The following PDE6D variants were observed in gnomAD, a reference collection of about 807,000 sequenced individuals.
The protein encoded by PDE6D is phosphodiesterase 6D.
PDE6D carries 10 observed loss-of-function variants against 21.9 expected under a neutral mutation model. The ratio of observed to expected loss-of-function variants is 0.46; its 90% confidence interval spans 0.28 to 0.78. The LOEUF is 0.78. Among genes scored for constraint, PDE6D ranks in the 30% least tolerant of loss-of-function variants. The pLI is 0.12. For synonymous variants in PDE6D, 59 were observed against 63.5 expected (o/e 0.93, Z 0.34); for missense variants, 139 against 184.8 (o/e 0.75, Z 1.44).
At chr2:231,768,517 T>G (rs2048990447) in intron 1 of PDE6D, 1 of 152,076 alleles carries the variant, frequency 6.6e-6, no homozygotes, top group Non-Finnish European at 1.5e-5. Flanking sequence ...CCTCTTGAGT[T>G]GCTGGGATTA....
chr2:231,734,666 C>T (rs1210775183), intron 4 of PDE6D, among the ~76,000 whole-genome samples: 1 of 148,612 alleles, frequency 6.7e-6, no homozygotes, highest in Non-Finnish European at 1.5e-5. Flanking sequence ...ATGGTGAAAC[C>T]CCGTCTGTAC....
chr2:231,776,118 C>T (rs199584296), intron 1 of PDE6D, among the ~76,000 whole-genome samples: 2 of 151,748 alleles, frequency 1.3e-5, no homozygotes, highest in South Asian at 4.2e-4. Flanking sequence ...GTCAGGAGTT[C>T]GAGACCAGCC....
intron 1 of PDE6D, among the ~76,000 whole-genome samples, chr2:231,777,104 T>G (rs2049063615): frequency 6.6e-6 from 1 of 152,202 alleles, no homozygotes; most frequent in African/African-American, 2.4e-5. Flanking sequence ...CTGAGTACTA[T>G]CAACACTGTT....
chr2:231,743,338 C>A (rs1410053539), intron 1 of PDE6D, among the ~76,000 whole-genome samples: 1 of 148,754 alleles, frequency 6.7e-6, no homozygotes, highest in Non-Finnish European at 1.5e-5. Flanking sequence ...GCAGGAGAAT[C>A]GCTTGAACAG....
chr2:231,779,011 C>T (rs2049079658), intron 1 of PDE6D: 1 of 152,234 alleles, frequency 6.6e-6, no homozygotes, highest in African/African-American at 2.4e-5. Context: ...GGACAATAGT[C>T]AGTTTCTTAC....
intron 1 of PDE6D, among the ~76,000 whole-genome samples, chr2:231,750,748 TCTG>T (rs1454638626): frequency 6.7e-6 from 1 of 149,844 alleles, no homozygotes; most frequent in Non-Finnish European, 1.5e-5. Context: ...GCTCAAGTGA[TCTG>T]CCCACCTTGG....
intron 1 of PDE6D, among the ~76,000 whole-genome samples, chr2:231,757,151 G>C (rs1426465852): frequency 6.6e-6 from 1 of 151,730 alleles, no homozygotes; most frequent in Non-Finnish European, 1.5e-5. Context: ...GTAGAGACAG[G>C]GTTTTGCCAT....
chr2:231,742,903 T>A (rs937417494), intron 1 of PDE6D, among the ~76,000 whole-genome samples: 1 of 152,116 alleles, frequency 6.6e-6, no homozygotes, highest in African/African-American at 2.4e-5. Context: ...TTCTTCAGGG[T>A]GGGGGCAGCA....
rs1383523398 is a variant in PDE6D at position 231,732,719 on chromosome 2, GC to G, written c.*232del. The G allele has an allele frequency of 2.1e-6, 1 of 471,188 alleles. No individual in the cohort carries two copies. Among genetic ancestry groups the G allele is most frequent in the African/African-American group, 2.0e-5 (1 of 50,854 alleles). 29.2% of individuals were successfully genotyped at this position (471,188 alleles called of 1,614,324 possible). A position where few individuals can be genotyped will look rare whatever the true frequency, so the allele number is the denominator to read the frequency against. On this transcript the variant is annotated 3_prime_UTR_variant, in exon 5 of 5. Transcript: ENST00000287600. ...GGGAAGGACTTGAGACCTGTCCCCT[GC>G]CCTGGTCTGGGGTTGGGAGTTTAGT...
At chr2:231,779,706 G>A (rs1004854287) in intron 1 of PDE6D, among the ~76,000 whole-genome samples, 2 of 152,174 alleles carry the variant, frequency 1.3e-5, no homozygotes, top group African/African-American at 4.8e-5. Flanking sequence ...TGAAAGTACT[G>A]AAAGTTTATC....
At chr2:231,758,788 C>T (rs143540349) in intron 1 of PDE6D, among the ~76,000 whole-genome samples, 1 of 152,166 alleles carries the variant, frequency 6.6e-6, no homozygotes, top group Non-Finnish European at 1.5e-5. Flanking sequence ...AATACAGATT[C>T]TGGTTCAGTA....
chr2:231,746,220 C>A (rs1489198438), intron 1 of PDE6D, among the ~76,000 whole-genome samples: 1 of 152,166 alleles, frequency 6.6e-6, no homozygotes, highest in Non-Finnish European at 1.5e-5. Context: ...CGGCTCACTG[C>A]AACCTCCACG....
intron 1 of PDE6D, among the ~76,000 whole-genome samples, chr2:231,776,425 A>C (rs1408863599): frequency 6.6e-6 from 1 of 152,172 alleles, no homozygotes; most frequent in Non-Finnish European, 1.5e-5. Context: ...TCTATTATTA[A>C]GTGAACAAAG....
At chr2:231,762,339 CTT>C (rs3074725) in intron 1 of PDE6D, among the ~76,000 whole-genome samples, 6,844 of 83,008 alleles carry the variant, frequency 0.082, 143 homozygotes, top group African/African-American at 0.14. Context: ...AGGACTAACG[CTT>C]TTTTTTTTTT....
At chr2:231,755,321 C>T (rs1257817436) in intron 1 of PDE6D, among the ~76,000 whole-genome samples, 1 of 152,140 alleles carries the variant, frequency 6.6e-6, no homozygotes. Flanking sequence ...TAAAGAACAA[C>T]TTACTTGTAA....
chr2:231,762,116 T>C (rs1470822082), intron 1 of PDE6D, among the ~76,000 whole-genome samples: 3 of 152,234 alleles, frequency 2.0e-5, no homozygotes, highest in Non-Finnish European at 2.9e-5. Flanking sequence ...TATTGAGTTA[T>C]TGAATTTGTA....
At chr2:231,762,834 C>T (rs1401750345) in intron 1 of PDE6D, among the ~76,000 whole-genome samples, 1 of 151,986 alleles carries the variant, frequency 6.6e-6, no homozygotes, top group African/African-American at 2.4e-5. Flanking sequence ...TGCAGTGGCT[C>T]ACACCTGTAA....
rs1324918518 is a variant in PDE6D, at chr2:231,739,250, G to A, written c.51-62C>T. The A allele has an allele frequency of 5.9e-6, 6 of 1,015,890 alleles. No individual in the cohort carries two copies. Among genetic ancestry groups the A allele is most frequent in the Non-Finnish European group, 9.4e-6 (6 of 635,070 alleles). 62.9% of individuals were successfully genotyped at this position (1,015,890 alleles called of 1,614,324 possible). A position where few individuals can be genotyped will look rare whatever the true frequency, so the allele number is the denominator to read the frequency against. ...AAGTGACTCCCACTTTGTATTCTAG[G>A]TGTCTCATGTTTACTCCCACCAACT... On this transcript the variant is annotated intron_variant, in intron 1 of 4. Transcript: ENST00000287600. The surrounding 1 kb of genome is among the most constrained non-coding windows in gnomAD (Gnocchi z 4.2).
chr2:231,781,020 C>T (rs755699954), intron 1 of PDE6D, 45 bp downstream of exon 1: 2 of 1,563,136 alleles, frequency 1.3e-6, no homozygotes, highest in Admixed American at 1.7e-5. Flanking sequence ...AGTGAGCGGC[C>T]GCCTCCCAAG....
Sources: allele counts gnomAD v4.1 joint callset (sites outside exome capture counted in the v4.1 genomes callset), GRCh38; gene constraint gnomAD v4.1.1; non-coding constraint Gnocchi (gnomAD v3.1); transcripts MANE v1.5; gene names NCBI Gene and HGNC (gene_info 2026-07-23, HGNC 2026-07-21).